The following NELL1 variants were observed in gnomAD, a reference collection of about 807,000 sequenced individuals.
The protein encoded by NELL1 is neural EGFL like 1.
In NELL1, 76 loss-of-function variants were observed where a neutral mutation model predicts 107.4. That is an observed-to-expected ratio of 0.71 (90% confidence interval 0.59 to 0.86). NELL1 has a LOEUF of 0.86. Among genes scored for constraint, NELL1 ranks in the 40% least tolerant of loss-of-function variants. NELL1 has a pLI of 0.00. For missense variants in NELL1, 1,024 were observed against 1,005.5 expected (o/e 1.02, Z -0.25); for synonymous variants, 353 against 341.2 (o/e 1.03, Z -0.38).
At chr11:20,927,153 T>TA (rs1381065740) in intron 7 of NELL1, 155 bp from the exon 8 acceptor site, 67 of 637,742 alleles carry the variant, frequency 1.1e-4, no homozygotes, top group Non-Finnish European at 1.3e-4. Context: ...GTAAAAAAAA[T>TA]AAAAAAAACA....
At chr11:21,423,222 T>C (rs976272111) in intron 15 of NELL1, among the ~76,000 whole-genome samples, 5 of 151,662 alleles carry the variant, frequency 3.3e-5, no homozygotes, top group Non-Finnish European at 7.4e-5. Flanking sequence ...AAAAAAAAAT[T>C]AGCTGGGTGT....
chr11:21,182,954 A>G (rs1856859638), intron 13 of NELL1, among the ~76,000 whole-genome samples: 1 of 151,890 alleles, frequency 6.6e-6, no homozygotes, highest in Admixed American at 6.6e-5. Context: ...AAAAGGGAAC[A>G]AACAAGAAGG....
chr11:20,992,712 T>TTTTTC, intron 12 of NELL1, among the ~76,000 whole-genome samples: 1 of 97,582 alleles, frequency 1.0e-5, no homozygotes. Context: ...AAGTGGCATT[T>TTTTTC]TTTTTTTTTT....
At chr11:20,832,165 G>A (rs191059114) in intron 3 of NELL1, among the ~76,000 whole-genome samples, 32 of 152,254 alleles carry the variant, frequency 2.1e-4, no homozygotes, top group Admixed American at 1.4e-3. Flanking sequence ...ATGAATGACC[G>A]TTACCACTTA....
chr11:21,281,605 A>T (rs1016210585), intron 14 of NELL1, among the ~76,000 whole-genome samples: 6 of 152,136 alleles, frequency 3.9e-5, no homozygotes, highest in African/African-American at 1.4e-4. Flanking sequence ...GACAAGGCCC[A>T]GTGCTTTGAT....
chr11:21,235,996 C>T (rs1158908611), intron 14 of NELL1, among the ~76,000 whole-genome samples: 1 of 152,034 alleles, frequency 6.6e-6, no homozygotes, highest in Non-Finnish European at 1.5e-5. Flanking sequence ...ATCATCTTTC[C>T]CCATTACCTT....
chr11:21,425,323 C>T (rs58589506), intron 15 of NELL1, among the ~76,000 whole-genome samples: 4,546 of 152,188 alleles, frequency 0.03, 234 homozygotes, highest in African/African-American at 0.1. Flanking sequence ...AGGTAGGTAT[C>T]AATCAGTTAT....
chr11:20,687,197 AT>A (rs201051235), intron 2 of NELL1, among the ~76,000 whole-genome samples: 1 of 150,656 alleles, frequency 6.6e-6, no homozygotes, highest in Non-Finnish European at 1.5e-5. Flanking sequence ...TTTTAGTGAG[AT>A]TTTTTCTTAT....
intron 5 of NELL1, among the ~76,000 whole-genome samples, chr11:20,907,383 G>T (rs1213663424): frequency 6.6e-6 from 1 of 151,792 alleles, no homozygotes. Context: ...TGAACAAAAT[G>T]ACAACCCAAC....
intron 4 of NELL1, among the ~76,000 whole-genome samples, chr11:20,860,156 C>T (rs1233325961): frequency 2.0e-5 from 3 of 152,166 alleles, no homozygotes; most frequent in Non-Finnish European, 4.4e-5. Flanking sequence ...CAAGTTCACT[C>T]TTATACATCC....
rs1163005650 is a variant in NELL1 at position 21,573,209 on chromosome 11, C to T, written c.2182C>T (p.Leu728Phe). ...GGAAGGAGAGGTAGATTGCTGGCCA[C>T]TCACTTGCCCCAACTTGAGCTGTGA... ...CLEGEVDCWPLTCPNLSCEYT... is the reference protein window; with the variant it reads ...CLEGEVDCWPFTCPNLSCEYT... Residue 728 changes from leucine (L) to phenylalanine (F), a missense_variant, in exon 19 of 20, where the codon CTC (leucine) becomes TTC (phenylalanine). Leu to Phe is a conservative substitution (Grantham distance 22). Coordinates refer to ENST00000357134, the MANE Select transcript of NELL1 (RefSeq NM_006157.5). The T allele has an allele frequency of 1.2e-6, 2 of 1,611,858 alleles. No homozygotes were observed. Among genetic ancestry groups the T allele is most frequent in the Admixed American group, 1.7e-5 (1 of 59,812 alleles).
At chr11:21,421,054 A>G (rs2133821837) in intron 15 of NELL1, among the ~76,000 whole-genome samples, 1 of 152,326 alleles carries the variant, frequency 6.6e-6, no homozygotes, top group South Asian at 2.1e-4. Flanking sequence ...ATGCCAAGGA[A>G]AAGGCCGTAG....
intron 12 of NELL1, among the ~76,000 whole-genome samples, chr11:21,073,410 A>G (rs7924855): frequency 0.6 from 91,621 of 151,958 alleles, 27,728 homozygotes; most frequent in Non-Finnish European, 0.63. Context: ...TTGGGAATCT[A>G]TGGTTGGATA....
At chr11:21,195,492 A>T (rs1235807328) in intron 13 of NELL1, among the ~76,000 whole-genome samples, 2 of 150,406 alleles carry the variant, frequency 1.3e-5, no homozygotes, top group African/African-American at 4.9e-5. Flanking sequence ...TTTACTTCAC[A>T]CCTGCTCTGC....
intron 14 of NELL1, among the ~76,000 whole-genome samples, chr11:21,347,026 A>G (rs1028530378): frequency 2.6e-5 from 4 of 152,230 alleles, no homozygotes; most frequent in Non-Finnish European, 5.9e-5. Flanking sequence ...GTGCTCTATA[A>G]ACTTAACAAT....
chr11:21,425,325 A>G (rs1404973112), intron 15 of NELL1, among the ~76,000 whole-genome samples: 2 of 152,208 alleles, frequency 1.3e-5, no homozygotes, highest in African/African-American at 2.4e-5. Flanking sequence ...GTAGGTATCA[A>G]TCAGTTATGA....
intron 14 of NELL1, among the ~76,000 whole-genome samples, chr11:21,262,084 T>C (rs1398409432): frequency 1.3e-5 from 2 of 151,904 alleles, no homozygotes; most frequent in Non-Finnish European, 2.9e-5. Flanking sequence ...TTCGTTCCTC[T>C]TGTCATTAAG....
At chr11:20,942,362 A>G (rs923481967) in intron 10 of NELL1, among the ~76,000 whole-genome samples, 2 of 152,120 alleles carry the variant, frequency 1.3e-5, no homozygotes, top group Non-Finnish European at 2.9e-5. Flanking sequence ...TCTCTGCATC[A>G]GTGGGTACTG....
intron 12 of NELL1, among the ~76,000 whole-genome samples, chr11:20,961,089 C>G (rs1224507229): frequency 1.3e-5 from 2 of 152,120 alleles, no homozygotes; most frequent in Non-Finnish European, 2.9e-5. Context: ...TGGAGGGACT[C>G]ATAACTTTGG....
Sources: gnomAD v4.1 joint callset for allele counts (sites outside exome capture counted in the v4.1 genomes callset) on GRCh38, gnomAD v4.1.1 for gene constraint, MANE v1.5 for transcripts, NCBI Gene and HGNC (gene_info 2026-07-23, HGNC 2026-07-21) for gene names.